Variants in SCN9A observed in about 807,000 individuals in gnomAD.
The protein encoded by SCN9A is sodium channel protein type 9 subunit alpha.
In SCN9A, 131 loss-of-function variants were observed where a neutral mutation model predicts 187.0. That is an observed-to-expected ratio of 0.70 (90% CI 0.61 to 0.81). The LOEUF (loss-of-function observed/expected upper bound fraction) is 0.81. Ranked by LOEUF, SCN9A falls within the 30% of genes least tolerant of loss-of-function variation. The probability of loss-of-function intolerance (pLI) is 0.00; values close to 1 mark genes in which losing one functional copy is unlikely to be tolerated. For missense variants in SCN9A, 2,252 were observed against 2,396.6 expected (o/e 0.94, Z 1.26); for synonymous variants, 809 against 808.6 (o/e 1.00, Z -0.01).
intron 14 of SCN9A, among the ~76,000 whole-genome samples, chr2:166,278,534 A>T (rs1179799356): frequency 1.3e-5 from 2 of 152,212 alleles, no homozygotes; most frequent in Non-Finnish European, 1.5e-5. Flanking sequence ...CTGTCCTGTC[A>T]GTGCTCATCA....
At chr2:166,304,824 T>C (rs1159220858) in intron 5 of SCN9A, among the ~76,000 whole-genome samples, 1 of 152,104 alleles carries the variant, frequency 6.6e-6, no homozygotes, top group African/African-American at 2.4e-5. Flanking sequence ...GTTGTTAAAC[T>C]TCTCTAATTA....
intron 24 of SCN9A, chr2:166,204,757 C>G (rs1051796905): frequency 9.2e-5 from 16 of 174,568 alleles, no homozygotes; most frequent in Non-Finnish European, 1.9e-4. Flanking sequence ...GTACTTTTAT[C>G]TTTTTTATCT....
chr2:166,363,173 C>T (rs544487770), intron 1 of SCN9A, among the ~76,000 whole-genome samples: 1 of 151,900 alleles, frequency 6.6e-6, no homozygotes, highest in Admixed American at 6.6e-5. Context: ...TAAAAATTAA[C>T]AGAGAGAGGA....
chr2:166,284,383 T>C (rs1697631519), intron 12 of SCN9A, 70 bp downstream of exon 12: 1 of 1,532,610 alleles, frequency 6.5e-7, no homozygotes, highest in African/African-American at 1.4e-5. Flanking sequence ...GAGAAGGCCC[T>C]TCAGCAGAGA....
chr2:166,247,169 AAAAAAAAAAAGGAAAG>A (rs1432062636), intron 18 of SCN9A, among the ~76,000 whole-genome samples: 1 of 149,950 alleles, frequency 6.7e-6, no homozygotes, highest in Non-Finnish European at 1.5e-5. Context: ...AAAAAAAAAA[AAAAAAAAAAAGGAAAG>A]GAAAGAAAAA....
chr2:166,324,425 C>A (rs915034530), intron 1 of SCN9A, among the ~76,000 whole-genome samples: 8 of 152,108 alleles, frequency 5.3e-5, no homozygotes, highest in Non-Finnish European at 1.2e-4. Flanking sequence ...ATAAAAAATA[C>A]ATTTTTATTG....
chr2:166,281,931 A>C, intron 12 of SCN9A, 123 bp from the exon 13 acceptor site: 1 of 814,704 alleles, frequency 1.2e-6, no homozygotes, highest in Non-Finnish European at 1.8e-6. Context: ...GCTGGGTTCA[A>C]ATTATGGCTC....
chr2:166,370,232 A>C (rs62176964), intron 1 of SCN9A, among the ~76,000 whole-genome samples: 127,985 of 137,134 alleles, frequency 0.93, 59,748 homozygotes, highest in Non-Finnish European at 0.96. Flanking sequence ...TAATAATAAT[A>C]ATAATCATCA....
At chr2:166,200,308 T>C (rs572317360) in intron 26 of SCN9A, among the ~76,000 whole-genome samples, 1 of 151,936 alleles carries the variant, frequency 6.6e-6, no homozygotes, top group Non-Finnish European at 1.5e-5. Flanking sequence ...AGACAGTTAT[T>C]TTATACTGAA....
chr2:166,304,872 A>G (rs912416469), intron 5 of SCN9A, among the ~76,000 whole-genome samples: 7 of 152,238 alleles, frequency 4.6e-5, no homozygotes, highest in African/African-American at 9.6e-5. Flanking sequence ...CAATATACTG[A>G]AAAACACTGA....
intron 1 of SCN9A, among the ~76,000 whole-genome samples, chr2:166,325,120 A>T (rs1699332822): frequency 6.6e-6 from 1 of 152,102 alleles, no homozygotes; most frequent in Non-Finnish European, 1.5e-5. Flanking sequence ...CCAAGACAAA[A>T]GTTTAAGCAA....
chr2:166,204,286 T>C, intron 25 of SCN9A, 61 bp from the exon 26 acceptor site: 1 of 1,564,118 alleles, frequency 6.4e-7, no homozygotes, highest in Non-Finnish European at 8.7e-7. Flanking sequence ...TATCCAGAAA[T>C]TAAAGATGTG....
intron 17 of SCN9A, among the ~76,000 whole-genome samples, chr2:166,252,209 T>A (rs900830463): frequency 2.6e-5 from 4 of 152,000 alleles, no homozygotes; most frequent in East Asian, 1.9e-4. Context: ...TCTTATTTTT[T>A]AAATTTTTAA....
chr2:166,345,493 G>A (rs759482720), intron 1 of SCN9A, among the ~76,000 whole-genome samples: 3 of 151,584 alleles, frequency 2.0e-5, no homozygotes, highest in South Asian at 4.2e-4. Flanking sequence ...CTTTCACCAC[G>A]TTGAGGTCAG....
chr2:166,231,558 T>TC (rs1351305385), intron 21 of SCN9A, among the ~76,000 whole-genome samples: 11 of 147,336 alleles, frequency 7.5e-5, no homozygotes, highest in African/African-American at 2.3e-4. Context: ...CTTTTTTTTT[T>TC]TTTTTTTTTT....
chr2:166,274,656 T>C (rs1697149335), intron 16 of SCN9A, among the ~76,000 whole-genome samples: 1 of 152,216 alleles, frequency 6.6e-6, no homozygotes, highest in African/African-American at 2.4e-5. Flanking sequence ...AATTTTCTTC[T>C]GTATACTTTC....
chr2:166,219,881 C>T (rs1676874493), intron 24 of SCN9A, among the ~76,000 whole-genome samples: 1 of 152,096 alleles, frequency 6.6e-6, no homozygotes, highest in Admixed American at 6.5e-5. Flanking sequence ...AAAATTTCTA[C>T]AATGTTTATG....
At chr2:166,307,480 G>T (rs1698798371) in intron 2 of SCN9A, among the ~76,000 whole-genome samples, 1 of 152,120 alleles carries the variant, frequency 6.6e-6, no homozygotes, top group Non-Finnish European at 1.5e-5. Context: ...ATAAAACCTT[G>T]AGAATTTTAA....
intron 24 of SCN9A, among the ~76,000 whole-genome samples, chr2:166,216,589 A>G (rs564803706): frequency 1.2e-4 from 18 of 152,128 alleles, no homozygotes; most frequent in African/African-American, 4.3e-4. Context: ...TACATTAACA[A>G]TGAGGTATCC....
Sources: allele counts gnomAD v4.1 joint callset (sites outside exome capture counted in the v4.1 genomes callset), GRCh38; gene constraint gnomAD v4.1.1; transcripts MANE v1.5; gene names NCBI Gene and HGNC (gene_info 2026-07-23, HGNC 2026-07-21).